The following CYP3A4 variants were observed in gnomAD, a reference collection of about 807,000 sequenced individuals.
CYP3A4 encodes cytochrome P450 3A4.
A neutral mutation model predicts 54.9 loss-of-function variants in CYP3A4; 41 were observed. That is an observed-to-expected ratio of 0.75 (90% CI 0.58 to 0.97). The LOEUF is 0.97. Among genes scored for constraint, CYP3A4 ranks in the 50% least tolerant of loss-of-function variants. The probability of loss-of-function intolerance (pLI) is 0.00; values close to 1 mark genes in which losing one functional copy is unlikely to be tolerated. For synonymous variants in CYP3A4, 179 were observed against 205.2 expected (o/e 0.87, Z 1.09); for missense variants, 510 against 597.3 (o/e 0.85, Z 1.52).
At chr7:99,761,014 A>G in intron 11 of CYP3A4, 33 bp from the exon 12 acceptor site, 1 of 1,610,028 alleles carries the variant, frequency 6.2e-7, no homozygotes, top group Non-Finnish European at 8.5e-7. Flanking sequence ...TTAAAAAGTT[A>G]ATGACATAAT....
In CYP3A4 at chr7:99,760,891, A is replaced by G. The variant is rs1322546263; in HGVS notation, c.1344T>C (p.Ala448=). ...GPRNCIGMRF[A]LMNMKLALIR... is the part of the protein sequence containing the mutation. Reference sequence around the variant, plus strand: ...TTAGAGCAAGTTTCATGTTCATGAGAGCAAACCTCATGCCAATGCAGTTTC... The same window carrying G: ...TTAGAGCAAGTTTCATGTTCATGAGGGCAAACCTCATGCCAATGCAGTTTC... The change falls in exon 12 of 13, where the codon GCT becomes GCC. Residue 448 remains alanine, a synonymous_variant. Coordinates refer to ENST00000651514, the MANE Select transcript of CYP3A4 (RefSeq NM_017460.6). 1.2e-6 allele frequency: 2 copies of G among 1,614,010 alleles called. No homozygotes were observed. The highest frequency in any genetic ancestry group is 1.7e-6 in the Non-Finnish European group (2 of 1,179,974).
chr7:99,769,432 C>T, intron 6 of CYP3A4: 1 of 308,482 alleles, frequency 3.2e-6, no homozygotes, highest in East Asian at 7.1e-5. Context: ...GTGCCTTCCC[C>T]TTCCACCATC....
At chr7:99,760,418 T>C (rs1310757297) in intron 12 of CYP3A4, among the ~76,000 whole-genome samples, 1 of 152,214 alleles carries the variant, frequency 6.6e-6, no homozygotes, top group African/African-American at 2.4e-5. Context: ...CAGCTAGTGG[T>C]TGGGAGCCAC....
chr7:99,762,704 A>T (rs915165884), intron 10 of CYP3A4, among the ~76,000 whole-genome samples: 8 of 152,284 alleles, frequency 5.3e-5, no homozygotes, highest in Non-Finnish European at 8.8e-5. Context: ...GTCCCTTTCT[A>T]TCCCAAAAAT....
At chr7:99,766,810 C>T (rs1815487114) in intron 8 of CYP3A4, 1 of 360,206 alleles carries the variant, frequency 2.8e-6, no homozygotes, top group African/African-American at 2.1e-5. Context: ...TATTTCCAAA[C>T]AGTAATGTTT....
intron 12 of CYP3A4, 79 bp from the exon 13 acceptor site, chr7:99,758,307 C>G: frequency 6.7e-7 from 1 of 1,501,484 alleles, no homozygotes; most frequent in South Asian, 1.1e-5. Context: ...GAGTGAGACA[C>G]TCCTTCAGTG....
intron 1 of CYP3A4, among the ~76,000 whole-genome samples, chr7:99,782,627 C>T (rs970353690): frequency 3.9e-5 from 6 of 152,194 alleles, no homozygotes; most frequent in African/African-American, 7.2e-5. Flanking sequence ...ACCTCCACTA[C>T]GGGGCCAGGA....
chr7:99,775,317 T>C (rs1815736080), intron 3 of CYP3A4, among the ~76,000 whole-genome samples: 1 of 152,228 alleles, frequency 6.6e-6, no homozygotes, highest in East Asian at 1.9e-4. Context: ...CCACTGACTT[T>C]CCTCATAGAA....
intron 3 of CYP3A4, among the ~76,000 whole-genome samples, chr7:99,776,023 A>C (rs1357355184): frequency 6.6e-6 from 1 of 152,218 alleles, no homozygotes; most frequent in African/African-American, 2.4e-5. Context: ...CCCATCAAAA[A>C]ATGGGCAAAG....
chr7:99,775,271 G>A (rs1815734282), intron 3 of CYP3A4, among the ~76,000 whole-genome samples: 1 of 152,078 alleles, frequency 6.6e-6, no homozygotes, highest in South Asian at 2.1e-4. Context: ...ACTGCCCAAG[G>A]TAATTTATAG....
rs544771427 is a variant in CYP3A4, at chr7:99,772,819, G to T, written c.219-130C>A. ...GTTGTACAATACACAGTAATCTTAGGTTCTAGTTCATTAGGTATGACACAC... is the reference window on the plus strand; with the variant it reads ...GTTGTACAATACACAGTAATCTTAGTTTCTAGTTCATTAGGTATGACACAC... On this transcript the variant is annotated intron_variant, in intron 3 of 12. Transcript: ENST00000651514. The T allele has an allele frequency of 1.4e-4, 127 of 928,790 alleles. 3 individuals are homozygous for T. The South Asian group carries it at 1.6e-3, about 12-fold the overall frequency. 57.5% of individuals were successfully genotyped at this position (928,790 alleles called of 1,614,324 possible).
chr7:99,772,340 A>G (rs1186402630), intron 4 of CYP3A4, among the ~76,000 whole-genome samples: 5 of 152,214 alleles, frequency 3.3e-5, no homozygotes. Flanking sequence ...ATGAGGGCAC[A>G]TAAAGCTGGT....
At chr7:99,780,576 T>C (rs1020459064) in intron 1 of CYP3A4, among the ~76,000 whole-genome samples, 5 of 152,166 alleles carry the variant, frequency 3.3e-5, no homozygotes, top group Non-Finnish European at 5.9e-5. Context: ...ACCCTGTCTT[T>C]AGAATTTGCT....
At chr7:99,768,161 A>G (rs1815522753) in intron 7 of CYP3A4, among the ~76,000 whole-genome samples, 193 bp downstream of exon 7, 1 of 152,232 alleles carries the variant, frequency 6.6e-6, no homozygotes, top group African/African-American at 2.4e-5. Context: ...ATAGCTAAAA[A>G]TGTATGAGGT....
At chr7:99,769,013 C>A (rs1815556764) in intron 6 of CYP3A4, among the ~76,000 whole-genome samples, 1 of 152,168 alleles carries the variant, frequency 6.6e-6, no homozygotes, top group Non-Finnish European at 1.5e-5. Flanking sequence ...CCTGCTCAAG[C>A]TTTGGAAAAT....
chr7:99,778,219 A>G, intron 2 of CYP3A4, 139 bp from the exon 3 acceptor site: 1 of 640,378 alleles, frequency 1.6e-6, no homozygotes, highest in South Asian at 2.0e-5. Context: ...GACGTCATAA[A>G]GGAAATAAGA....
chr7:99,776,894 A>C (rs989680361), intron 3 of CYP3A4, among the ~76,000 whole-genome samples: 14 of 152,330 alleles, frequency 9.2e-5, no homozygotes, highest in African/African-American at 3.4e-4. Context: ...TCAGCCCGCC[A>C]GTGGTTAAGA....
rs757230559 is a variant in CYP3A4, at chr7:99,783,998, G to A, written c.71+13C>T. The A allele has an allele frequency of 6.8e-6, 11 of 1,613,272 alleles. No homozygotes were observed. The highest frequency in any genetic ancestry group is 1.3e-5 in the African/African-American group (1 of 74,876). On this transcript the variant is annotated intron_variant, in intron 1 of 12. Transcript: ENST00000651514. ...CAAGGAAACAGAGAAGAGGAGCCTG[G>A]ACAGTTACTCACAGATAGAGGAGCA...
chr7:99,775,434 TC>T (rs1815742076), intron 3 of CYP3A4, among the ~76,000 whole-genome samples: 1 of 152,126 alleles, frequency 6.6e-6, no homozygotes, highest in Non-Finnish European at 1.5e-5. Flanking sequence ...CTACCTGACT[TC>T]AAATTATACT....
Sources: gnomAD v4.1 joint callset for allele counts (sites outside exome capture counted in the v4.1 genomes callset) on GRCh38, gnomAD v4.1.1 for gene constraint, MANE v1.5 for transcripts, NCBI Gene and HGNC (gene_info 2026-07-23, HGNC 2026-07-21) for gene names.